Variants in PCDHA11 observed in about 807,000 individuals in gnomAD.
The protein encoded by PCDHA11 is protocadherin alpha-11.
In PCDHA11, 61 loss-of-function variants were observed where a neutral mutation model predicts 70.3. The ratio of observed to expected loss-of-function variants is 0.87; its 90% CI spans 0.71 to 1.07. The LOEUF (loss-of-function observed/expected upper bound fraction) is 1.07. Ranked by LOEUF, PCDHA11 falls within the 50% of genes least tolerant of loss-of-function variation. The pLI is 0.00. For synonymous variants in PCDHA11, 633 were observed against 555.1 expected (o/e 1.14, Z -1.97); for missense variants, 1,324 against 1,237.5 (o/e 1.07, Z -1.05).
intron 3 of PCDHA11, among the ~76,000 whole-genome samples, chr5:141,005,494 G>A (rs1554260099): frequency 2.0e-5 from 3 of 151,700 alleles, no homozygotes; most frequent in Non-Finnish European, 2.9e-5. Flanking sequence ...ATGAGGTCAG[G>A]AGATCGAGAC....
At chr5:140,967,109 C>T in intron 1 of PCDHA11, 1 of 1,612,966 alleles carries the variant, frequency 6.2e-7, no homozygotes, top group Non-Finnish European at 8.5e-7. Flanking sequence ...TGAGCAGCGG[C>T]CTCGCTGCCT....
At chr5:140,986,005 C>G (rs912493095) in intron 3 of PCDHA11, among the ~76,000 whole-genome samples, 1 of 152,040 alleles carries the variant, frequency 6.6e-6, no homozygotes, top group African/African-American at 2.4e-5. Flanking sequence ...TCCCAAAGTG[C>G]TGGGATTACA....
chr5:140,869,801 T>C lies in PCDHA11; in HGVS notation c.698T>C (p.Leu233Ser). 1 of 1,612,816 alleles carries C rather than the reference T, an allele frequency of 6.2e-7. No individual in the cohort carries two copies. The highest frequency in any genetic ancestry group is 1.3e-5 in the African/African-American group (1 of 75,032). ...ACCGTTCGGCTGTTAGTCCAAGTCT[T>C]GGATGTCAACGACAATGATCCAGAG... The part of the protein sequence containing the change: ...TGTVRLLVQV[L>S]DVNDNDPEFD... The change falls in exon 1 of 4, where the codon TTG becomes TCG. Residue 233 changes from leucine (L) to serine (S), a missense_variant. Leu to Ser is a moderately radical substitution (Grantham distance 145, BLOSUM62 -2). Coordinates refer to ENST00000398640, the MANE Select transcript of PCDHA11 (RefSeq NM_018902.5).
chr5:140,898,628 C>T (rs1305030651), intron 1 of PCDHA11, among the ~76,000 whole-genome samples: 2 of 152,176 alleles, frequency 1.3e-5, no homozygotes, highest in African/African-American at 4.8e-5. Context: ...TAGCATAATG[C>T]CTCCAGCTTT....
At chr5:140,983,379 C>T (rs1169260784) in intron 3 of PCDHA11, among the ~76,000 whole-genome samples, 1 of 152,162 alleles carries the variant, frequency 6.6e-6, no homozygotes, top group Non-Finnish European at 1.5e-5. Context: ...AGGCCCATCG[C>T]TGTGGCAGTT....
rs186453463 is a variant in PCDHA11 at position 140,951,770 on chromosome 5, C to T, written c.2392-27179C>T. On this transcript the variant is annotated intron_variant, in intron 1 of 3. Transcript: ENST00000398640. ...ACCCTCCGCGAAATCTCATGACGTT[C>T]TTACATTGCAAAATACAATTATCCC... 1.6e-3 allele frequency among the ~76,000 whole-genome samples: 247 copies of T among 152,268 alleles called. 1 individual carries two copies. The highest frequency in any genetic ancestry group is 5.5e-3 in the African/African-American group (229 of 41,576).
At chr5:140,953,988 A>G (rs1554221181) in intron 1 of PCDHA11, among the ~76,000 whole-genome samples, 1 of 151,898 alleles carries the variant, frequency 6.6e-6, no homozygotes, top group African/African-American at 2.4e-5. Flanking sequence ...TCATATTTTC[A>G]TGTGTACTCA....
chr5:140,935,894 C>CTTT lies in PCDHA11; in HGVS notation c.2392-43041_2392-43039dup, dbSNP rs55841305. Among the ~76,000 whole-genome samples, 1,154 of 136,734 alleles carry CTTT rather than the reference C, an allele frequency of 8.4e-3. 14 individuals carry two copies. Among genetic ancestry groups the CTTT allele is most frequent in the East Asian group, 0.025 (118 of 4,726 alleles). 89.7% of individuals were successfully genotyped at this position (136,734 alleles called of 152,430 possible). On this transcript the variant is annotated intron_variant, in intron 1 of 3. Coordinates refer to ENST00000398640, the MANE Select transcript of PCDHA11 (RefSeq NM_018902.5). ...ATGAGCTCCAATTTATCAATATTAT[C>CTTT]TTTTTTTTTTTTTTTTGAGACAGAT...
At position 140,942,589 on chromosome 5, in the gene PCDHA11, T is replaced by A. The variant is rs1444015331; in HGVS notation, c.2392-36360T>A. On this transcript the variant is annotated intron_variant, in intron 1 of 3. Coordinates refer to ENST00000398640, the MANE Select transcript of PCDHA11 (RefSeq NM_018902.5). ...AAATCTTCCCATATAGGATGTCACA[T>A]ATAATTATAGTGTTTATATTTGCCA... Among the ~76,000 whole-genome samples, 4 of 148,934 alleles carry A rather than the reference T, an allele frequency of 2.7e-5. No homozygotes were observed. In the Admixed American group the frequency reaches 2.7e-4, roughly 10 times the overall value.
Position 141,010,331 on chromosome 5 carries a change from T to C in PCDHA11, c.*394T>C. 6.5e-7 allele frequency: 1 copy of C among 1,537,904 alleles called. No homozygotes were observed. Among genetic ancestry groups the C allele is most frequent in the Non-Finnish European group, 8.8e-7 (1 of 1,142,160 alleles). On this transcript the variant is annotated 3_prime_UTR_variant, in exon 4 of 4. Transcript: ENST00000398640. The stretch of plus-strand genomic sequence containing the variant: ...TTTTGAGATTGAGCAGCTTGGGAGT[T>C]TGTGGCCACTGGGTATGTGTGGCTA...
At chr5:140,959,568 T>A (rs1333268160) in intron 1 of PCDHA11, among the ~76,000 whole-genome samples, 1 of 152,208 alleles carries the variant, frequency 6.6e-6, no homozygotes, top group African/African-American at 2.4e-5. Flanking sequence ...GTACTAGATT[T>A]TTTGTTTCAA....
At chr5:140,906,097 T>G (rs1396034135) in intron 1 of PCDHA11, among the ~76,000 whole-genome samples, 1 of 152,144 alleles carries the variant, frequency 6.6e-6, no homozygotes, top group Non-Finnish European at 1.5e-5. Context: ...AGAGTAAGTG[T>G]GTCTTTCCCA....
At chr5:140,882,069 G>T in intron 1 of PCDHA11, 1 of 844,446 alleles carries the variant, frequency 1.2e-6, no homozygotes, top group Non-Finnish European at 1.8e-6. Flanking sequence ...ACGTTCATGC[G>T]CATGGTGTCG....
chr5:140,889,108 T>C (rs553126619), intron 1 of PCDHA11, among the ~76,000 whole-genome samples: 3 of 151,936 alleles, frequency 2.0e-5, no homozygotes, highest in Admixed American at 1.3e-4. Context: ...TCATCTTTAT[T>C]CCAGGTGATA....
chr5:140,907,491 C>A (rs1554193021), intron 1 of PCDHA11, among the ~76,000 whole-genome samples: 1 of 152,186 alleles, frequency 6.6e-6, no homozygotes, highest in Non-Finnish European at 1.5e-5. Flanking sequence ...AAACCCATAT[C>A]CAGAGTAAGT....
At chr5:140,970,893 T>C (rs568576965) in intron 1 of PCDHA11, among the ~76,000 whole-genome samples, 3 of 152,200 alleles carry the variant, frequency 2.0e-5, no homozygotes, top group Non-Finnish European at 4.4e-5. Context: ...CATGGACATT[T>C]CAGATAGATT....
chr5:140,982,416 A>C, intron 2 of PCDHA11, 59 bp from the exon 3 acceptor site: 1 of 1,610,294 alleles, frequency 6.2e-7, no homozygotes, highest in Non-Finnish European at 8.5e-7. Context: ...TGAGGGTGGA[A>C]GAAGAGATGG....
At chr5:140,952,962 C>T (rs246032) in intron 1 of PCDHA11, among the ~76,000 whole-genome samples, 1 of 151,598 alleles carries the variant, frequency 6.6e-6, no homozygotes, top group Non-Finnish European at 1.5e-5. Context: ...GGAAGTGATA[C>T]ACACTTTTAA....
intron 2 of PCDHA11, among the ~76,000 whole-genome samples, chr5:140,980,947 G>T (rs1430215851): frequency 6.6e-6 from 1 of 152,032 alleles, no homozygotes; most frequent in Non-Finnish European, 1.5e-5. Context: ...GCTGGCTCCA[G>T]GATAGTTACA....
Sources: gnomAD v4.1 joint callset for allele counts (sites outside exome capture counted in the v4.1 genomes callset) on GRCh38, gnomAD v4.1.1 for gene constraint, MANE v1.5 for transcripts, NCBI Gene and HGNC (gene_info 2026-07-23, HGNC 2026-07-21) for gene names.